The following PTPRD variants were observed in gnomAD, a reference collection of about 807,000 sequenced individuals.
The protein encoded by PTPRD is receptor-type tyrosine-protein phosphatase delta.
PTPRD carries 34 observed loss-of-function variants against 214.5 expected under a neutral mutation model. The ratio of observed to expected loss-of-function variants is 0.16; its 90% CI spans 0.12 to 0.21. The LOEUF (loss-of-function observed/expected upper bound fraction) is 0.21, where lower values mean the gene tolerates loss of function less well. PTPRD is among the 10% of genes least tolerant of loss of function. PTPRD has a pLI of 1.00. For synonymous variants in PTPRD, 1,128 were observed against 845.7 expected, an observed-to-expected ratio of 1.33 and a Z score of -5.79; for missense variants, 2,545 against 2,398.7, an observed-to-expected ratio of 1.06 and a Z score of -1.27.
At chr9:10,072,411 T>C (rs1040428884) in intron 3 of PTPRD, among the ~76,000 whole-genome samples, 2 of 152,082 alleles carry the variant, frequency 1.3e-5, no homozygotes, top group East Asian at 3.9e-4. Context: ...AATGGAGCCA[T>C]GGACCTTCGC....
At chr9:10,576,126 C>T (rs2069230910) in intron 2 of PTPRD, among the ~76,000 whole-genome samples, 1 of 152,150 alleles carries the variant, frequency 6.6e-6, no homozygotes, top group Non-Finnish European at 1.5e-5. Flanking sequence ...GCCTATGAAT[C>T]ACTTGGGAAG....
intron 9 of PTPRD, among the ~76,000 whole-genome samples, chr9:9,375,765 A>G (rs983452705): frequency 6.6e-6 from 1 of 152,162 alleles, no homozygotes; most frequent in African/African-American, 2.4e-5. Flanking sequence ...ATAGAGACAT[A>G]AAGTAGGATG....
chr9:9,629,186 T>C (rs911667203), intron 7 of PTPRD, among the ~76,000 whole-genome samples: 1 of 148,526 alleles, frequency 6.7e-6, no homozygotes, highest in East Asian at 2.0e-4. Context: ...AATAAATAAA[T>C]AAATAAAAAT....
intron 9 of PTPRD, among the ~76,000 whole-genome samples, chr9:9,187,456 T>C (rs2099932314): frequency 6.6e-6 from 1 of 152,044 alleles, no homozygotes; most frequent in South Asian, 2.1e-4. Context: ...AATTGTCAAG[T>C]CCCTTTTTTA....
intron 9 of PTPRD, among the ~76,000 whole-genome samples, chr9:9,195,845 T>C (rs1018771127): frequency 6.6e-6 from 1 of 152,054 alleles, no homozygotes; most frequent in African/African-American, 2.4e-5. Flanking sequence ...ACCTAAAAAG[T>C]AGGGGTGAAA....
intron 7 of PTPRD, among the ~76,000 whole-genome samples, chr9:9,680,836 C>G (rs1040663612): frequency 6.6e-5 from 10 of 151,750 alleles, no homozygotes; most frequent in African/African-American, 2.4e-4. Flanking sequence ...ACCATCCTCC[C>G]TCCTCTTGTG....
At chr9:9,285,649 T>C (rs1210935945) in intron 9 of PTPRD, among the ~76,000 whole-genome samples, 1 of 151,794 alleles carries the variant, frequency 6.6e-6, no homozygotes, top group Non-Finnish European at 1.5e-5. Flanking sequence ...TCTATTCTTG[T>C]TTCCAGGGCC....
intron 8 of PTPRD, among the ~76,000 whole-genome samples, chr9:9,406,207 T>A (rs1027562388): frequency 5.9e-5 from 9 of 151,900 alleles, no homozygotes; most frequent in Non-Finnish European, 1.2e-4. Flanking sequence ...AAAGTGCTGT[T>A]AAAAAGATGG....
At chr9:9,253,503 GA>G (rs34372973) in intron 9 of PTPRD, among the ~76,000 whole-genome samples, 66,849 of 149,866 alleles carry the variant, frequency 0.45, 16,863 homozygotes, top group Middle Eastern at 0.67. Context: ...ACTTGTTTTT[GA>G]AAAAAAAAAT....
At chr9:8,952,748 G>C (rs188582764) in intron 11 of PTPRD, among the ~76,000 whole-genome samples, 80 of 151,996 alleles carry the variant, frequency 5.3e-4, no homozygotes, top group African/African-American at 1.8e-3. Context: ...ATGAAAGATT[G>C]AATTCTAGGT....
chr9:10,048,555 G>C (rs1368504094), intron 3 of PTPRD, among the ~76,000 whole-genome samples: 2 of 151,784 alleles, frequency 1.3e-5, no homozygotes, highest in Non-Finnish European at 2.9e-5. Context: ...TACTCTTCCA[G>C]TGATAGATTC....
chr9:8,783,175 G>A (rs1394767951), intron 11 of PTPRD, among the ~76,000 whole-genome samples: 2 of 152,026 alleles, frequency 1.3e-5, no homozygotes, highest in Admixed American at 1.3e-4. Flanking sequence ...TTTTCATAAA[G>A]AAATCCATTT....
At chr9:8,998,366 A>G (rs898035870) in intron 11 of PTPRD, among the ~76,000 whole-genome samples, 1 of 152,052 alleles carries the variant, frequency 6.6e-6, no homozygotes, top group Non-Finnish European at 1.5e-5. Context: ...GGCCCTTAAG[A>G]ATTATGCTAA....
intron 10 of PTPRD, among the ~76,000 whole-genome samples, chr9:9,101,799 G>A (rs76865926): frequency 0.014 from 2,190 of 152,270 alleles, 39 homozygotes; most frequent in East Asian, 0.064. Flanking sequence ...AAGAAAAGAT[G>A]TGGGAGAAAA....
intron 2 of PTPRD, among the ~76,000 whole-genome samples, chr9:10,574,081 G>C (rs1315978995): frequency 6.6e-6 from 1 of 152,140 alleles, no homozygotes; most frequent in Non-Finnish European, 1.5e-5. Flanking sequence ...AATTCAAATA[G>C]AGATTTAGAT....
intron 4 of PTPRD, among the ~76,000 whole-genome samples, chr9:9,973,709 C>G (rs1054934395): frequency 3.3e-5 from 5 of 152,090 alleles, no homozygotes; most frequent in African/African-American, 1.2e-4. Flanking sequence ...AGCTTAGGAG[C>G]AAGTACTTTG....
chr9:8,764,582 G>A (rs1372833513), intron 11 of PTPRD, among the ~76,000 whole-genome samples: 3 of 152,028 alleles, frequency 2.0e-5, no homozygotes, highest in African/African-American at 7.2e-5. Context: ...TGGATCACAA[G>A]GTCAGGAGTT....
intron 2 of PTPRD, among the ~76,000 whole-genome samples, chr9:10,347,984 GGAGGTGGTGGCTGCAGTGACCC>G (rs1057416512): frequency 6.6e-6 from 1 of 152,052 alleles, no homozygotes; most frequent in African/African-American, 2.4e-5. Context: ...CTTGAACCCA[GGAGGTGGTGGCTGCAGTGACCC>G]GAGATCATGC....
chr9:8,947,024 C>CTTTTTTTTTTTTTTTTTTTTTTT (rs2099069439), intron 11 of PTPRD, among the ~76,000 whole-genome samples: 1 of 90,816 alleles, frequency 1.1e-5, no homozygotes, highest in Non-Finnish European at 2.2e-5. Context: ...ATTTTTTTTT[C>CTTTTTTTTTTTTTTTTTTTTTTT]TTTTCTTTTT....
Sources: allele counts gnomAD v4.1 joint callset (sites outside exome capture counted in the v4.1 genomes callset), GRCh38; gene constraint gnomAD v4.1.1; transcripts MANE v1.5; gene names NCBI Gene and HGNC (gene_info 2026-07-23, HGNC 2026-07-21).